The following FNDC3B variants were observed in gnomAD, a reference collection of about 807,000 sequenced individuals.
FNDC3B encodes fibronectin type III domain containing 3B, also known as fibronectin type III domain-containing protein 3B.
In FNDC3B, 12 loss-of-function variants were observed where a neutral mutation model predicts 151.5. That is an observed-to-expected ratio of 0.08 (90% CI 0.05 to 0.13). FNDC3B has a LOEUF of 0.13. Among genes scored for constraint, FNDC3B ranks in the 10% least tolerant of loss-of-function variants. The pLI, the probability that FNDC3B is intolerant of heterozygous loss-of-function variation, is 1.00. For missense variants in FNDC3B, 1,214 were observed against 1,505.3 expected (o/e 0.81, Z 3.20); for synonymous variants, 528 against 549.0 (o/e 0.96, Z 0.54).
At chr3:172,324,274 AG>A (rs148335549) in intron 11 of FNDC3B, among the ~76,000 whole-genome samples, 4,206 of 152,204 alleles carry the variant, frequency 0.028, 206 homozygotes, top group African/African-American at 0.095. Context: ...TGGCGAGCCA[AG>A]TCCTTTCCTG....
intron 1 of FNDC3B, among the ~76,000 whole-genome samples, chr3:172,106,754 G>A (rs890717709): frequency 1.3e-4 from 20 of 152,074 alleles, no homozygotes; most frequent in African/African-American, 4.3e-4. Flanking sequence ...TCTGCGAATC[G>A]TTGTTTTTCA....
chr3:172,399,893 C>T lies in FNDC3B; in HGVS notation c.*2418C>T, dbSNP rs1736491259. The T allele has an allele frequency of 6.6e-6, 1 of 152,434 alleles. No individual in the cohort carries two copies. Among genetic ancestry groups the T allele is most frequent in the Non-Finnish European group, 1.5e-5 (1 of 68,004 alleles). 9.4% of individuals were successfully genotyped at this position (152,434 alleles called of 1,614,324 possible). A position where few individuals can be genotyped will look rare whatever the true frequency, so the allele number is the denominator to read the frequency against. ...AAAATTTATATGAATATTTGATCTT[C>T]TTGAGATTTTCATACTATCATTTAA... is the stretch of plus-strand genomic sequence containing the variant. On this transcript the variant is annotated 3_prime_UTR_variant, in exon 26 of 26. Transcript: ENST00000415807.
chr3:172,107,935 C>T (rs1224344755), intron 1 of FNDC3B, among the ~76,000 whole-genome samples: 2 of 151,916 alleles, frequency 1.3e-5, no homozygotes, highest in African/African-American at 2.4e-5. Flanking sequence ...ATTGGGAGGC[C>T]GAGGCGGGCG....
chr3:172,307,573 G>C, intron 10 of FNDC3B, 72 bp downstream of exon 10: 1 of 1,506,548 alleles, frequency 6.6e-7, no homozygotes, highest in Non-Finnish European at 9.2e-7. Flanking sequence ...CGTGTTCCTA[G>C]TCCCAGCTAC....
intron 23 of FNDC3B, among the ~76,000 whole-genome samples, chr3:172,376,025 T>C (rs1348297139): frequency 6.6e-6 from 1 of 152,234 alleles, no homozygotes; most frequent in African/African-American, 2.4e-5. Context: ...ATTTTTGTAA[T>C]TCTAATTAAC....
At chr3:172,061,854 T>C (rs77819286) in intron 1 of FNDC3B, among the ~76,000 whole-genome samples, 2,993 of 152,324 alleles carry the variant, frequency 0.02, 39 homozygotes, top group Non-Finnish European at 0.032. Flanking sequence ...CAATCTTAAC[T>C]AAGTCGGGGC....
At chr3:172,287,374 G>A (rs1405855259) in intron 7 of FNDC3B, among the ~76,000 whole-genome samples, 2 of 152,176 alleles carry the variant, frequency 1.3e-5, no homozygotes, top group Admixed American at 6.5e-5. Context: ...CTGGTAGGCC[G>A]ATGCTGAGGA....
intron 23 of FNDC3B, among the ~76,000 whole-genome samples, chr3:172,366,830 A>T (rs148608101): frequency 2.6e-5 from 4 of 152,310 alleles, no homozygotes; most frequent in Non-Finnish European, 5.9e-5. Flanking sequence ...GAGCATTGGG[A>T]TGGAGACTAG....
chr3:172,157,325 T>A (rs1235198912), intron 3 of FNDC3B, among the ~76,000 whole-genome samples: 2 of 152,112 alleles, frequency 1.3e-5, no homozygotes, highest in Non-Finnish European at 2.9e-5. Flanking sequence ...TAATCATGAA[T>A]TTTTAAGGAG....
chr3:172,205,126 T>G (rs9883986), intron 3 of FNDC3B, among the ~76,000 whole-genome samples: 15,764 of 152,236 alleles, frequency 0.1, 1,560 homozygotes, highest in African/African-American at 0.26. Context: ...AGTAAATGAT[T>G]TTTTTGGCAT....
intron 3 of FNDC3B, among the ~76,000 whole-genome samples, chr3:172,171,191 C>A (rs1341338234): frequency 6.6e-6 from 1 of 152,092 alleles, no homozygotes; most frequent in Non-Finnish European, 1.5e-5. Context: ...AAGCAACATG[C>A]CAGACAAGTA....
At chr3:172,255,324 A>G (rs1180546751) in intron 6 of FNDC3B, among the ~76,000 whole-genome samples, 1 of 152,066 alleles carries the variant, frequency 6.6e-6, no homozygotes, top group Non-Finnish European at 1.5e-5. Context: ...GCCGGAGTGC[A>G]ATGGCGTGAC....
intron 6 of FNDC3B, among the ~76,000 whole-genome samples, chr3:172,279,900 G>T (rs550735954): frequency 7.5e-6 from 1 of 133,698 alleles, no homozygotes; most frequent in African/African-American, 3.6e-5. Flanking sequence ...ACACATATTC[G>T]TTGTTGTTGT....
At chr3:172,294,009 T>C (rs1199323053) in intron 7 of FNDC3B, among the ~76,000 whole-genome samples, 1 of 152,232 alleles carries the variant, frequency 6.6e-6, no homozygotes, top group Non-Finnish European at 1.5e-5. Context: ...CTGTATTGTC[T>C]TTTTTGTTTT....
intron 25 of FNDC3B, among the ~76,000 whole-genome samples, chr3:172,389,207 A>C (rs1179612600): frequency 2.0e-5 from 3 of 152,244 alleles, no homozygotes; most frequent in Non-Finnish European, 4.4e-5. Flanking sequence ...TGTATAAAAT[A>C]TGATTGGCTT....
At chr3:172,153,909 A>G (rs1722355592) in intron 3 of FNDC3B, among the ~76,000 whole-genome samples, 1 of 152,062 alleles carries the variant, frequency 6.6e-6, no homozygotes, top group Admixed American at 6.5e-5. Flanking sequence ...AACCTAAACC[A>G]AAAGACTAGA....
chr3:172,172,262 A>C (rs1048244819), intron 3 of FNDC3B, among the ~76,000 whole-genome samples: 5 of 152,298 alleles, frequency 3.3e-5, no homozygotes, highest in Middle Eastern at 6.8e-3. Context: ...ATTTTTCGTC[A>C]AGTGTACCTG....
chr3:172,131,740 G>A (rs1721113421), intron 2 of FNDC3B, among the ~76,000 whole-genome samples: 1 of 152,146 alleles, frequency 6.6e-6, no homozygotes, highest in Admixed American at 6.5e-5. Flanking sequence ...TAAAGATTGA[G>A]TATTTAAAGA....
chr3:172,224,358 T>C (rs1726443459), intron 3 of FNDC3B, among the ~76,000 whole-genome samples: 1 of 152,230 alleles, frequency 6.6e-6, no homozygotes, highest in African/African-American at 2.4e-5. Flanking sequence ...TGCCATTCTC[T>C]TCTTTTGCTT....
Sources: gnomAD v4.1 joint callset for allele counts (sites outside exome capture counted in the v4.1 genomes callset) on GRCh38, gnomAD v4.1.1 for gene constraint, MANE v1.5 for transcripts, NCBI Gene and HGNC (gene_info 2026-07-23, HGNC 2026-07-21) for gene names.